UBR1: variants seen among roughly 807,000 people sequenced by gnomAD.
UBR1 encodes ubiquitin protein ligase E3 component n-recognin 1.
Under a neutral mutation model 242.1 loss-of-function variants are expected in UBR1, and 102 were observed. That is an observed-to-expected ratio of 0.42 (90% CI 0.36 to 0.50). The LOEUF (loss-of-function observed/expected upper bound fraction) is 0.50, where lower values mean the gene tolerates loss of function less well. Among genes scored for constraint, UBR1 ranks in the 20% least tolerant of loss-of-function variants. UBR1 has a pLI of 0.01. For synonymous variants in UBR1, 675 were observed against 684.8 expected, an observed-to-expected ratio of 0.99 and a Z score of 0.22; for missense variants, 1,772 against 2,101.8, an observed-to-expected ratio of 0.84 and a Z score of 3.07.
Position 43,058,382 on chromosome 15 carries a change from C to T in UBR1, c.1141G>A (p.Glu381Lys). Residue 381 changes from glutamate to lysine, a missense_variant, in exon 10 of 47, where the codon GAG becomes AAG. Glu to Lys is a moderately conservative substitution (Grantham distance 56, BLOSUM62 1). Transcript: ENST00000290650. The stretch of plus-strand genomic sequence containing the variant: ...GCAAAGAGTTTTTTGTATTCCATCT[C>T]CATAAAAAAACTGCTGAAGATCAAT... Reference protein sequence around the residue: ...HELIFSSFFMEMEYKKLFAME... With the variant: ...HELIFSSFFMKMEYKKLFAME... 6.2e-7 allele frequency: 1 copy of T among 1,610,986 alleles called. No individual in the cohort carries two copies. Among genetic ancestry groups the T allele is most frequent in the Non-Finnish European group, 8.5e-7 (1 of 1,178,512 alleles).
intron 3 of UBR1, among the ~76,000 whole-genome samples, chr15:43,076,451 G>C (rs879358698): frequency 1.3e-5 from 2 of 151,352 alleles, no homozygotes; most frequent in African/African-American, 4.9e-5. Flanking sequence ...TCCCATCTAG[G>C]AAGCGAGGAG....
At chr15:43,099,635 C>G (rs1472653898) in intron 1 of UBR1, among the ~76,000 whole-genome samples, 1 of 152,150 alleles carries the variant, frequency 6.6e-6, no homozygotes, top group African/African-American at 2.4e-5. Flanking sequence ...ACCCCCACTT[C>G]CTCTCTACCT....
At chr15:43,062,369 C>T (rs2033699498) in intron 6 of UBR1, among the ~76,000 whole-genome samples, 1 of 151,950 alleles carries the variant, frequency 6.6e-6, no homozygotes, top group African/African-American at 2.4e-5. Context: ...ACTGCATGAT[C>T]TCATTTGTAT....
intron 29 of UBR1, among the ~76,000 whole-genome samples, chr15:43,009,522 A>T (rs2032885998): frequency 1.3e-5 from 2 of 152,214 alleles, no homozygotes. Flanking sequence ...AGTGGGCAGG[A>T]TGAGCCCAGA....
At chr15:43,049,141 A>G (rs527618501) in intron 12 of UBR1, among the ~76,000 whole-genome samples, 1 of 152,358 alleles carries the variant, frequency 6.6e-6, no homozygotes, top group East Asian at 1.9e-4. Context: ...CACTTGACCA[A>G]TGAGAATAAA....
chr15:42,973,820 T>G (rs2032244220), intron 39 of UBR1, among the ~76,000 whole-genome samples: 1 of 151,980 alleles, frequency 6.6e-6, no homozygotes, highest in Admixed American at 6.6e-5. Context: ...ATGCCTTTGG[T>G]TTTGTATCTA....
chr15:42,998,512 T>C (rs143251532), intron 32 of UBR1, among the ~76,000 whole-genome samples: 110 of 152,294 alleles, frequency 7.2e-4, no homozygotes, highest in East Asian at 4.8e-3. Context: ...TGTCAGTAAA[T>C]AGAATCACCA....
chr15:43,004,179 G>A (rs1320607192), intron 30 of UBR1, among the ~76,000 whole-genome samples: 1 of 151,902 alleles, frequency 6.6e-6, no homozygotes, highest in Non-Finnish European at 1.5e-5. Context: ...TTGAATATTG[G>A]GTTTAATCTG....
At chr15:43,021,480 G>T in intron 26 of UBR1, 105 bp from the exon 27 acceptor site, 1 of 951,270 alleles carries the variant, frequency 1.1e-6, no homozygotes, top group Non-Finnish European at 1.7e-6. Context: ...GTCCACTAAT[G>T]CTCAATTCCC....
At chr15:43,031,486 C>T (rs1248554771) in intron 20 of UBR1, among the ~76,000 whole-genome samples, 3 of 152,248 alleles carry the variant, frequency 2.0e-5, no homozygotes, top group Non-Finnish European at 4.4e-5. Flanking sequence ...TTTTTCCCAT[C>T]TGTTTCTAAC....
intron 46 of UBR1, among the ~76,000 whole-genome samples, chr15:42,947,084 G>C (rs555989119): frequency 5.0e-4 from 76 of 152,292 alleles, no homozygotes; most frequent in African/African-American, 1.8e-3. Flanking sequence ...CCTGGAGGTA[G>C]ACGTTGCAGT....
At chr15:42,981,053 C>A in intron 37 of UBR1, among the ~76,000 whole-genome samples, 1 of 152,020 alleles carries the variant, frequency 6.6e-6, no homozygotes, top group South Asian at 2.1e-4. Context: ...CCCACCCCAA[C>A]GTCTTCCCTA....
intron 1 of UBR1, among the ~76,000 whole-genome samples, chr15:43,092,530 C>T (rs986853306): frequency 2.0e-5 from 3 of 152,068 alleles, no homozygotes; most frequent in African/African-American, 4.8e-5. Context: ...ATTTTGATAA[C>T]ATTAAGCCTT....
At chr15:42,989,344 A>T (rs1352268538) in intron 34 of UBR1, among the ~76,000 whole-genome samples, 1 of 152,240 alleles carries the variant, frequency 6.6e-6, no homozygotes, top group African/African-American at 2.4e-5. Context: ...ATGCTTGGAA[A>T]AGGAACCAAA....
Position 42,983,883 on chromosome 15 carries a change from A to G in UBR1, c.4150+14T>C, listed in dbSNP as rs557787559. ...ATAATATAATACATAATAATAGTTC[A>G]GAGAAGACTCTACCTGATAGAAGAC... On this transcript the variant is annotated intron_variant, in intron 37 of 46. Coordinates refer to ENST00000290650, the MANE Select transcript of UBR1 (RefSeq NM_174916.3). 65 of 1,556,778 alleles carry G rather than the reference A, an allele frequency of 4.2e-5. No homozygotes were observed. The South Asian group carries it at 6.3e-4, about 15-fold the overall frequency.
intron 42 of UBR1, 86 bp downstream of exon 42, chr15:42,963,849 T>C (rs538979769): frequency 8.4e-6 from 9 of 1,074,936 alleles, no homozygotes; most frequent in South Asian, 2.6e-5. Flanking sequence ...TCAGTGCTGA[T>C]TGAACTAAAA....
At chr15:43,061,115 A>G (rs983415963) in intron 6 of UBR1, among the ~76,000 whole-genome samples, 5 of 152,328 alleles carry the variant, frequency 3.3e-5, no homozygotes, top group African/African-American at 4.8e-5. Context: ...CCTCACATCC[A>G]TATTTTTTGG....
chr15:43,024,911 A>AT lies in UBR1; in HGVS notation c.2656dup (p.Ile886AsnfsTer11). On this transcript the variant is annotated frameshift_variant, in exon 25 of 47. Transcript: ENST00000290650. LOFTEE classifies it high-confidence loss of function. ...TACGGTCCTGAGAATGTACATCATG[A>AT]TATCACAGTTGAGAAGGTTAATCAC... is the stretch of plus-strand genomic sequence containing the variant. The AT allele has an allele frequency of 6.2e-7, 1 of 1,614,198 alleles. No individual in the cohort carries two copies. Among genetic ancestry groups the AT allele is most frequent in the Non-Finnish European group, 8.5e-7 (1 of 1,180,034 alleles).
chr15:43,067,144 T>C (rs1454572462), intron 6 of UBR1, among the ~76,000 whole-genome samples: 1 of 152,210 alleles, frequency 6.6e-6, no homozygotes, highest in Non-Finnish European at 1.5e-5. Flanking sequence ...TTAAATGAGA[T>C]ATTACACATA....
Sources: gnomAD v4.1 joint callset for allele counts (sites outside exome capture counted in the v4.1 genomes callset) on GRCh38, gnomAD v4.1.1 for gene constraint, MANE v1.5 for transcripts, NCBI Gene and HGNC (gene_info 2026-07-23, HGNC 2026-07-21) for gene names.